GAA: variants seen among roughly 807,000 people sequenced by gnomAD.
The protein encoded by GAA is alpha glucosidase, also known as lysosomal alpha-glucosidase.
In GAA, 88 loss-of-function variants were observed where a neutral mutation model predicts 103.9. The ratio of observed to expected loss-of-function variants is 0.85; its 90% CI spans 0.71 to 1.01. GAA has a LOEUF of 1.01. GAA is among the 50% of genes least tolerant of loss of function. GAA has a pLI of 0.00. For missense variants in GAA, 1,350 were observed against 1,305.3 expected, an observed-to-expected ratio of 1.03 and a Z score of -0.53; for synonymous variants, 572 against 563.1, an observed-to-expected ratio of 1.02 and a Z score of -0.22.
In GAA at chr17:80,104,257, C is replaced by G. The variant is rs927195008; in HGVS notation, c.-32-298C>G. 6.6e-6 allele frequency among the ~76,000 whole-genome samples: 1 copy of G among 152,176 alleles called. No individual in the cohort carries two copies. Among genetic ancestry groups the G allele is most frequent in the African/African-American group, 2.4e-5 (1 of 41,424 alleles). ...CTGGCCCAGGCGACAGCTGTTTGGC[C>G]TGTTTCAAGTGTCTACCTGCCTTGC... is the stretch of plus-strand genomic sequence containing the variant. On this transcript the variant is annotated intron_variant, in intron 1 of 19. Transcript: ENST00000302262. This position sits in a 1 kb window ranked among gnomAD's most constrained non-coding sequence, Gnocchi z 4.0.
chr17:80,110,530 G>A (rs1341586681), intron 9 of GAA, among the ~76,000 whole-genome samples, 197 bp from the exon 10 acceptor site: 1 of 152,370 alleles, frequency 6.6e-6, no homozygotes, highest in East Asian at 1.9e-4. Flanking sequence ...CCAGGGTTGA[G>A]GCCCCTTGGC....
At position 80,110,043 on chromosome 17, in the gene GAA, G is replaced by A. The variant is rs753140491; in HGVS notation, c.1425G>A (p.Pro475=). 4.2e-5 allele frequency: 67 copies of A among 1,612,992 alleles called. No individual in the cohort carries two copies. Among genetic ancestry groups the A allele is most frequent in the Admixed American group, 1.8e-4 (11 of 60,000 alleles). The change falls in exon 9 of 20, where the codon CCG becomes CCA. Residue 475 remains proline (P), a synonymous_variant. Transcript: ENST00000302262. Reference sequence around the variant, plus strand: ...TCATCACCAACGAGACCGGCCAGCCGCTGATTGGGAAGGTAGGGCGAGGGT... The same window carrying A: ...TCATCACCAACGAGACCGGCCAGCCACTGATTGGGAAGGTAGGGCGAGGGT... The part of the protein sequence containing the change: ...GVFITNETGQ[P]LIGKVWPGST...
At chr17:80,110,661 CAG>C in intron 9 of GAA, 64 bp from the exon 10 acceptor site, 1 of 1,394,962 alleles carries the variant, frequency 7.2e-7, no homozygotes, top group South Asian at 1.2e-5. Flanking sequence ...GGCTGAGGCT[CAG>C]TGGGGCTTCC....
chr17:80,103,200 G>T lies in GAA; in HGVS notation c.-33+1310G>T, dbSNP rs567835183. 2.6e-5 allele frequency among the ~76,000 whole-genome samples: 4 copies of T among 152,308 alleles called. No individual in the cohort carries two copies. The South Asian group carries it at 8.3e-4, about 32-fold the overall frequency. ...CCAGCTCCCAGTACCAGAGAAGGTT[G>T]CACAGTCCTCTGCTCCAAGGAGCTT... On this transcript the variant is annotated intron_variant, in intron 1 of 19. Transcript: ENST00000302262.
chr17:80,112,430 G>T, intron 12 of GAA, 148 bp from the exon 13 acceptor site: 14 of 1,002,064 alleles, frequency 1.4e-5, no homozygotes, highest in Admixed American at 4.2e-5. Context: ...AACTGTGCCC[G>T]CAGACATGGG....
Position 80,118,248 on chromosome 17 carries a change from C to A in GAA, c.2537C>A (p.Ala846Asp). The A allele has an allele frequency of 6.2e-7, 1 of 1,612,276 alleles. No individual in the cohort carries two copies. Among genetic ancestry groups the A allele is most frequent in the South Asian group, 1.1e-5 (1 of 90,826 alleles). The change falls in exon 18 of 20, where the codon GCC becomes GAC. Residue 846 changes from alanine (A) to aspartate (D), a missense_variant. Physicochemically the swap from Ala to Asp is moderately radical, Grantham distance 126. Coordinates refer to ENST00000302262, the MANE Select transcript of GAA (RefSeq NM_000152.5). ...CAGCAGCCCATGGCCCTGGCTGTGG[C>A]CCTGACCAAGGGTGGGGAGGCCCGA... ...SRQQPMALAV[A>D]LTKGGEARGE... is the part of the protein sequence containing the mutation.
chr17:80,109,503 C>T lies in GAA; in HGVS notation c.1327-442C>T, dbSNP rs1262018843. Among the ~76,000 whole-genome samples the T allele has an allele frequency of 2.6e-5, 4 of 152,230 alleles. No individual in the cohort carries two copies. The East Asian group carries it at 7.7e-4, about 29-fold the overall frequency. On this transcript the variant is annotated intron_variant, in intron 8 of 19. Transcript: ENST00000302262. Reference sequence around the variant, plus strand: ...ATCCAACAGTTCCTGCCCGGAAGATCCACTTCAGCAGAGGAAGCACAGATG... The same window carrying T: ...ATCCAACAGTTCCTGCCCGGAAGATTCACTTCAGCAGAGGAAGCACAGATG...
At chr17:80,110,861 A>C (rs745534218) in intron 10 of GAA, 21 bp downstream of exon 10, 67 of 1,613,282 alleles carry the variant, frequency 4.2e-5, no homozygotes, top group Non-Finnish European at 5.6e-5. Flanking sequence ...CCCCCTCCTG[A>C]GCATCCCCAA....
At position 80,104,885 on chromosome 17, in the gene GAA, A is replaced by G. The variant is rs1567825928; in HGVS notation, c.299A>G (p.Gln100Arg). ...TGCGCCCCTGACAAGGCCATCACCC[A>G]GGAACAGTGCGAGGCCCGCGGCTGT... Reference protein sequence around the residue: ...FDCAPDKAITQEQCEARGCCY... With the variant: ...FDCAPDKAITREQCEARGCCY... The change falls in exon 2 of 20, where the codon CAG becomes CGG. Residue 100 changes from glutamine (Q) to arginine (R), a missense_variant. Transcript: ENST00000302262. This position sits in a 1 kb window ranked among gnomAD's most constrained non-coding sequence, Gnocchi z 4.0. 1 of 1,612,872 alleles carries G rather than the reference A, an allele frequency of 6.2e-7. No homozygotes were observed. The highest frequency in any genetic ancestry group is 1.7e-5 in the Admixed American group (1 of 60,008).
chr17:80,108,900 C>T (rs2039164272), intron 8 of GAA, 72 bp downstream of exon 8: 12 of 1,494,824 alleles, frequency 8.0e-6, no homozygotes, highest in South Asian at 7.4e-5. Context: ...CTCTGTGCAG[C>T]GTCATCCTCG....
At position 80,118,899 on chromosome 17, in the gene GAA, CAG is replaced by C. The variant is rs2039421570; in HGVS notation, c.2799+97_2799+98del. The C allele has an allele frequency of 7.5e-6, 11 of 1,468,950 alleles. No individual in the cohort carries two copies. The Admixed American group carries it at 9.4e-5, about 13-fold the overall frequency. The allele number at this position is 1,468,950 out of a possible 1,614,324, so 91.0% of individuals were successfully genotyped here. A position where few individuals can be genotyped will look rare whatever the true frequency, so the allele number is the denominator to read the frequency against. On this transcript the variant is annotated intron_variant, in intron 19 of 19. Coordinates refer to ENST00000302262, the MANE Select transcript of GAA (RefSeq NM_000152.5). ...GCGTCCTGGTGACCGATGCCAGGAA[CAG>C]AGGATGCTGGGACCTCCCAAGGGGG...
rs1249705476 is a variant in GAA at position 80,108,378 on chromosome 17, G to A, written c.1044G>A (p.Lys348=). 4 of 1,613,542 alleles carry A rather than the reference G, an allele frequency of 2.5e-6. No individual in the cohort carries two copies. In the East Asian group the frequency reaches 6.7e-5, roughly 27 times the overall value. ...ACATCTTCCTGGGCCCAGAGCCCAA[G>A]AGCGTGGTGCAGCAGTACCTGGACG... ...DVYIFLGPEP[K]SVVQQYLDVV... The change falls in exon 6 of 20, where the codon AAG becomes AAA. Residue 348 remains lysine, a synonymous_variant. Transcript: ENST00000302262.
At chr17:80,115,905 A>G (rs1282928093) in intron 15 of GAA, among the ~76,000 whole-genome samples, 1 of 152,190 alleles carries the variant, frequency 6.6e-6, no homozygotes, top group Non-Finnish European at 1.5e-5. Context: ...CGAGGTGGGG[A>G]GCACCGTCAA....
chr17:80,118,613 C>G, intron 18 of GAA, 40 bp from the exon 19 acceptor site: 3 of 1,608,746 alleles, frequency 1.9e-6, no homozygotes, highest in Non-Finnish European at 2.5e-6. Flanking sequence ...GCTGACACCT[C>G]CACATTCTCT....
chr17:80,112,932 T>A lies in GAA; in HGVS notation c.1945T>A (p.Phe649Ile). 1 of 1,610,966 alleles carries A rather than the reference T, an allele frequency of 6.2e-7. No individual in the cohort carries two copies. Among genetic ancestry groups the A allele is most frequent in the Non-Finnish European group, 8.5e-7 (1 of 1,179,114 alleles). Residue 649 changes from phenylalanine (F) to isoleucine (I), a missense_variant, in exon 14 of 20, where the codon TTC becomes ATC. Transcript: ENST00000302262. Reference sequence around the variant, plus strand: ...TCTGGTCGGGGCCGACGTCTGCGGCTTCCTGGGCAACACCTCAGAGGAGCT... The same window carrying A: ...TCTGGTCGGGGCCGACGTCTGCGGCATCCTGGGCAACACCTCAGAGGAGCT... ...VPLVGADVCG[F>I]LGNTSEELCV...
intron 9 of GAA, among the ~76,000 whole-genome samples, chr17:80,110,445 G>T (rs765203364): frequency 6.6e-6 from 1 of 152,222 alleles, no homozygotes; most frequent in Non-Finnish European, 1.5e-5. Flanking sequence ...CGTCTCCGCT[G>T]CCCTTCTCCC....
chr17:80,101,727 G>A lies in GAA; in HGVS notation c.-196G>A. The A allele has an allele frequency of 6.6e-6, 1 of 152,484 alleles. No individual in the cohort carries two copies. Among genetic ancestry groups the A allele is most frequent in the Non-Finnish European group, 1.5e-5 (1 of 68,158 alleles). The allele number at this position is 152,484 out of a possible 1,614,324, so 9.4% of individuals were successfully genotyped here. A position where few individuals can be genotyped will look rare whatever the true frequency, so the allele number is the denominator to read the frequency against. On this transcript the variant is annotated 5_prime_UTR_variant, in exon 1 of 20. Transcript: ENST00000302262. ...CTCAGTTGGGAAAGCTGAGGTTGTC[G>A]CCGGGGCCGCGGGTGGAGGTCGGGG... is the stretch of plus-strand genomic sequence containing the variant.
chr17:80,116,720 C>T, intron 15 of GAA: 1 of 558,664 alleles, frequency 1.8e-6, no homozygotes, highest in Non-Finnish European at 3.2e-6. Flanking sequence ...GCCTCAAGCA[C>T]AAGCCCCTAT....
At chr17:80,103,979 G>A (rs1567824760) in intron 1 of GAA, among the ~76,000 whole-genome samples, 1 of 152,166 alleles carries the variant, frequency 6.6e-6, no homozygotes, top group Non-Finnish European at 1.5e-5. Flanking sequence ...GCAGAAGTGG[G>A]GCTCCCAGCC....
Sources: allele counts gnomAD v4.1 joint callset (sites outside exome capture counted in the v4.1 genomes callset), GRCh38; gene constraint gnomAD v4.1.1; non-coding constraint Gnocchi (gnomAD v3.1); transcripts MANE v1.5; gene names NCBI Gene and HGNC (gene_info 2026-07-23, HGNC 2026-07-21).